Variants in SRGAP1 observed in about 807,000 individuals in gnomAD.
SRGAP1 encodes SLIT-ROBO Rho GTPase activating protein 1.
A neutral mutation model predicts 121.9 loss-of-function variants in SRGAP1; 43 were observed. The ratio of observed to expected loss-of-function variants is 0.35; its 90% confidence interval spans 0.28 to 0.46. SRGAP1 has a LOEUF of 0.46. SRGAP1 is among the 20% of genes least tolerant of loss of function. The pLI, the probability that SRGAP1 is intolerant of heterozygous loss-of-function variation, is 1.00. For synonymous variants in SRGAP1, 447 were observed against 485.4 expected, an observed-to-expected ratio of 0.92 and a Z score of 1.04; for missense variants, 1,102 against 1,350.9, an observed-to-expected ratio of 0.82 and a Z score of 2.89.
chr12:63,863,239 A>G (rs1372877297), intron 1 of SRGAP1, among the ~76,000 whole-genome samples: 1 of 151,910 alleles, frequency 6.6e-6, no homozygotes, highest in Non-Finnish European at 1.5e-5. Flanking sequence ...TGCCTTTTCA[A>G]ATGGTTGCTC....
At chr12:64,041,137 C>G (rs1027333334) in intron 4 of SRGAP1, among the ~76,000 whole-genome samples, 2 of 151,700 alleles carry the variant, frequency 1.3e-5, no homozygotes, top group South Asian at 4.2e-4. Context: ...CTTTATAAAG[C>G]AAATAGTTGA....
chr12:63,951,357 T>G (rs1434299490), intron 1 of SRGAP1, among the ~76,000 whole-genome samples: 2 of 151,924 alleles, frequency 1.3e-5, no homozygotes, highest in Non-Finnish European at 2.9e-5. Context: ...AGAGACGAGG[T>G]TTCGCCATGT....
At chr12:64,120,015 C>T (rs918269913) in intron 18 of SRGAP1, among the ~76,000 whole-genome samples, 1 of 152,068 alleles carries the variant, frequency 6.6e-6, no homozygotes, top group Non-Finnish European at 1.5e-5. Flanking sequence ...AGGTAATCCA[C>T]CCGCCTCAGC....
intron 11 of SRGAP1, among the ~76,000 whole-genome samples, chr12:64,088,225 A>G (rs2035982719): frequency 6.6e-6 from 1 of 152,162 alleles, no homozygotes; most frequent in Non-Finnish European, 1.5e-5. Flanking sequence ...CTAACAAAAG[A>G]AAAAAACACT....
intron 17 of SRGAP1, among the ~76,000 whole-genome samples, chr12:64,115,111 G>C (rs548742635): frequency 6.6e-6 from 1 of 152,282 alleles, no homozygotes; most frequent in African/African-American, 2.4e-5. Context: ...GCCACAAGCA[G>C]TTCAAAGGAG....
At chr12:63,917,084 C>A (rs1486766040) in intron 1 of SRGAP1, among the ~76,000 whole-genome samples, 2 of 152,102 alleles carry the variant, frequency 1.3e-5, no homozygotes, top group African/African-American at 4.8e-5. Flanking sequence ...GAGATTTAGT[C>A]ATATTGCAAG....
At chr12:63,894,037 G>A (rs1482094541) in intron 1 of SRGAP1, among the ~76,000 whole-genome samples, 1 of 152,026 alleles carries the variant, frequency 6.6e-6, no homozygotes, top group Non-Finnish European at 1.5e-5. Flanking sequence ...ACGGGGTTTC[G>A]CCATGTTGGC....
intron 3 of SRGAP1, among the ~76,000 whole-genome samples, chr12:63,992,266 A>G (rs2136420990): frequency 6.6e-6 from 1 of 152,252 alleles, no homozygotes; most frequent in Non-Finnish European, 1.5e-5. Flanking sequence ...GTTGATAGAA[A>G]CCTAGGGCTA....
intron 1 of SRGAP1, among the ~76,000 whole-genome samples, chr12:63,863,122 C>T (rs1479122432): frequency 6.6e-6 from 1 of 151,976 alleles, no homozygotes; most frequent in African/African-American, 2.4e-5. Flanking sequence ...GATAATGATG[C>T]GGCACAGAAA....
chr12:63,910,626 G>T (rs2030449131), intron 1 of SRGAP1, among the ~76,000 whole-genome samples: 1 of 152,140 alleles, frequency 6.6e-6, no homozygotes, highest in African/African-American at 2.4e-5. Context: ...AAAATGCATG[G>T]AACCTTACAG....
At chr12:63,975,870 A>C (rs186610675) in intron 1 of SRGAP1, among the ~76,000 whole-genome samples, 186 of 152,340 alleles carry the variant, frequency 1.2e-3, no homozygotes, top group Admixed American at 1.1e-3. Flanking sequence ...GATACCATTC[A>C]TTCTTGTGAG....
At chr12:64,126,353 A>T (rs545252545) in intron 19 of SRGAP1, among the ~76,000 whole-genome samples, 196 bp downstream of exon 19, 2 of 152,354 alleles carry the variant, frequency 1.3e-5, no homozygotes, top group South Asian at 4.1e-4. Context: ...TTGGAACAAG[A>T]ACTCTGGGGA....
At chr12:64,091,478 C>T (rs905182038) in intron 12 of SRGAP1, 100 bp downstream of exon 12, 1 of 734,998 alleles carries the variant, frequency 1.4e-6, no homozygotes, top group Non-Finnish European at 2.1e-6. Context: ...CCAAGTCTGT[C>T]CTGGGGCTCT....
intron 4 of SRGAP1, chr12:64,038,994 T>C (rs1427389261): frequency 6.6e-6 from 1 of 152,214 alleles, no homozygotes. Flanking sequence ...CCTTTACTTC[T>C]CTGAAAAAGA....
chr12:63,879,584 G>A (rs768544208), intron 1 of SRGAP1: 1 of 152,050 alleles, frequency 6.6e-6, no homozygotes, highest in African/African-American at 2.4e-5. Context: ...GTATTTCTTT[G>A]GGGACTGGTA....
At chr12:64,010,274 C>T (rs2034212867) in intron 3 of SRGAP1, among the ~76,000 whole-genome samples, 1 of 152,106 alleles carries the variant, frequency 6.6e-6, no homozygotes, top group Non-Finnish European at 1.5e-5. Flanking sequence ...TGTAAAAGGC[C>T]ATAGGCCTTC....
intron 2 of SRGAP1, among the ~76,000 whole-genome samples, chr12:63,989,274 A>G (rs755569282): frequency 2.6e-5 from 4 of 152,188 alleles, no homozygotes; most frequent in Non-Finnish European, 5.9e-5. Flanking sequence ...ATGAGTCTGA[A>G]ACAGTTTAAT....
intron 1 of SRGAP1, among the ~76,000 whole-genome samples, chr12:63,950,641 CCCT>C (rs1393320368): frequency 6.6e-6 from 1 of 152,062 alleles, no homozygotes; most frequent in Non-Finnish European, 1.5e-5. Context: ...TCCCTCCGTG[CCCT>C]CCTTTCATCC....
At chr12:63,914,865 A>G (rs1293823226) in intron 1 of SRGAP1, among the ~76,000 whole-genome samples, 10 of 151,964 alleles carry the variant, frequency 6.6e-5, no homozygotes, top group Non-Finnish European at 1.2e-4. Context: ...GAAGAGCTCT[A>G]TTTTGTAATT....
Sources: gnomAD v4.1 joint callset for allele counts (sites outside exome capture counted in the v4.1 genomes callset) on GRCh38, gnomAD v4.1.1 for gene constraint, MANE v1.5 for transcripts, NCBI Gene and HGNC (gene_info 2026-07-23, HGNC 2026-07-21) for gene names.